Variants in GRM7 observed in about 807,000 individuals in gnomAD.
The protein encoded by GRM7 is glutamate metabotropic receptor 7, also known as metabotropic glutamate receptor 7.
In GRM7, 35 loss-of-function variants were observed where a neutral mutation model predicts 84.5. The observed-to-expected ratio is 0.41, with a 90% CI of 0.32 to 0.55. The LOEUF (loss-of-function observed/expected upper bound fraction) is 0.55. Ranked by LOEUF, GRM7 falls within the 20% of genes least tolerant of loss-of-function variation. The pLI, the probability that GRM7 is intolerant of heterozygous loss-of-function variation, is 0.19. For missense variants in GRM7, 1,003 were observed against 1,194.6 expected, an observed-to-expected ratio of 0.84 and a Z score of 2.36; for synonymous variants, 487 against 455.1, an observed-to-expected ratio of 1.07 and a Z score of -0.89.
intron 4 of GRM7, among the ~76,000 whole-genome samples, chr3:7,380,303 A>T (rs1349640812): frequency 2.0e-5 from 3 of 152,188 alleles, no homozygotes; most frequent in Non-Finnish European, 4.4e-5. Flanking sequence ...AGGCAATGAG[A>T]TTAATTTAGA....
At chr3:7,331,222 T>A (rs971381010) in intron 4 of GRM7, among the ~76,000 whole-genome samples, 3 of 152,146 alleles carry the variant, frequency 2.0e-5, no homozygotes, top group Non-Finnish European at 4.4e-5. Context: ...AATGAATGAA[T>A]AAAGAGGAGG....
At chr3:7,662,481 G>C (rs1297947971) in intron 8 of GRM7, among the ~76,000 whole-genome samples, 1 of 152,182 alleles carries the variant, frequency 6.6e-6, no homozygotes, top group South Asian at 2.1e-4. Flanking sequence ...TATGAACCTT[G>C]ATTGTATTTT....
chr3:7,136,042 A>G (rs939185500), intron 1 of GRM7, among the ~76,000 whole-genome samples: 1 of 152,144 alleles, frequency 6.6e-6, no homozygotes, highest in Admixed American at 6.6e-5. Flanking sequence ...TTACTATGTA[A>G]TAATTATGGG....
chr3:7,582,617 A>G (rs1050793995), intron 8 of GRM7, among the ~76,000 whole-genome samples: 2 of 152,064 alleles, frequency 1.3e-5, no homozygotes, highest in Non-Finnish European at 1.5e-5. Flanking sequence ...GTCCTCTAAA[A>G]TGGCACCCAC....
intron 1 of GRM7, among the ~76,000 whole-genome samples, chr3:6,976,318 G>A (rs993130310): frequency 5.3e-5 from 8 of 152,164 alleles, no homozygotes; most frequent in African/African-American, 1.9e-4. Context: ...ACTTCATTCT[G>A]CAAGATTCCA....
At chr3:7,410,671 C>A (rs1409841875) in intron 4 of GRM7, among the ~76,000 whole-genome samples, 2 of 151,704 alleles carry the variant, frequency 1.3e-5, no homozygotes, top group African/African-American at 2.4e-5. Context: ...CACACACACA[C>A]ACACACACGC....
chr3:7,367,211 A>G (rs1000443469), intron 4 of GRM7, among the ~76,000 whole-genome samples: 11 of 134,868 alleles, frequency 8.2e-5, no homozygotes, highest in Admixed American at 2.3e-4. Context: ...AGAAGGATCA[A>G]GAATAAAATG....
intron 7 of GRM7, among the ~76,000 whole-genome samples, chr3:7,524,082 C>T (rs1700700863): frequency 6.6e-6 from 1 of 152,068 alleles, no homozygotes; most frequent in African/African-American, 2.4e-5. Flanking sequence ...AGATGATATT[C>T]TCAATCACTA....
At chr3:7,030,501 AAG>A (rs1559394778) in intron 1 of GRM7, among the ~76,000 whole-genome samples, 1 of 152,228 alleles carries the variant, frequency 6.6e-6, no homozygotes, top group Non-Finnish European at 1.5e-5. Context: ...TACCTGAATG[AAG>A]AGTTTTTAAA....
At chr3:6,991,180 C>T (rs1434238397) in intron 1 of GRM7, among the ~76,000 whole-genome samples, 1 of 152,174 alleles carries the variant, frequency 6.6e-6, no homozygotes, top group Non-Finnish European at 1.5e-5. Context: ...TCCCTGTCTG[C>T]TACTCTAGAT....
intron 2 of GRM7, among the ~76,000 whole-genome samples, chr3:7,290,062 T>C (rs1219719475): frequency 6.6e-6 from 1 of 152,156 alleles, no homozygotes; most frequent in Non-Finnish European, 1.5e-5. Flanking sequence ...ATTAGTATTT[T>C]ATGTTAATTT....
intron 1 of GRM7, among the ~76,000 whole-genome samples, chr3:7,022,367 G>GCACACACA (rs71307753): frequency 0.011 from 1,587 of 145,702 alleles, 25 homozygotes; most frequent in African/African-American, 0.032. Context: ...ACACACACAT[G>GCACACACA]CACACACACA....
chr3:7,450,811 T>C (rs989156525), intron 5 of GRM7, among the ~76,000 whole-genome samples: 1 of 152,110 alleles, frequency 6.6e-6, no homozygotes, highest in African/African-American at 2.4e-5. Flanking sequence ...ATGAGATACA[T>C]ATAAAACACA....
At chr3:7,566,426 G>A (rs547727428) in intron 7 of GRM7, among the ~76,000 whole-genome samples, 2 of 152,112 alleles carry the variant, frequency 1.3e-5, no homozygotes, top group East Asian at 1.9e-4. Flanking sequence ...TATGAATTAT[G>A]TTTACATTAT....
At chr3:7,497,398 T>C (rs1699744128) in intron 7 of GRM7, among the ~76,000 whole-genome samples, 1 of 152,184 alleles carries the variant, frequency 6.6e-6, no homozygotes, top group African/African-American at 2.4e-5. Context: ...CCCATTATGT[T>C]CCATGAATTC....
intron 1 of GRM7, among the ~76,000 whole-genome samples, chr3:6,890,663 A>G (rs1481037981): frequency 6.6e-6 from 1 of 152,146 alleles, no homozygotes; most frequent in East Asian, 1.9e-4. Context: ...TATGTGGTCA[A>G]TTTTGGAATA....
intron 7 of GRM7, among the ~76,000 whole-genome samples, chr3:7,553,110 G>A (rs887580512): frequency 3.9e-5 from 6 of 152,012 alleles, no homozygotes; most frequent in Admixed American, 6.6e-5. Context: ...TTCTTCTTCC[G>A]GATACTCTAA....
At chr3:7,202,078 A>T (rs116235495) in intron 2 of GRM7, among the ~76,000 whole-genome samples, 122 of 151,986 alleles carry the variant, frequency 8.0e-4, no homozygotes, top group African/African-American at 2.8e-3. Flanking sequence ...TGATGCTGCT[A>T]TCTATTCTCC....
chr3:7,582,707 C>T lies in GRM7; in HGVS notation c.2451+3350C>T, dbSNP rs535146972. On this transcript the variant is annotated intron_variant, in intron 8 of 9. Coordinates refer to ENST00000357716, the MANE Select transcript of GRM7 (RefSeq NM_000844.4). ...GTAATTTGATTTCCACGGGAGCCTT[C>T]GGTCACTAAATGACCAAATTGGGGC... Among the ~76,000 whole-genome samples, 46 of 152,186 alleles carry T rather than the reference C, an allele frequency of 3.0e-4. 1 individual carries two copies. Among genetic ancestry groups the T allele is most frequent in the South Asian group, 2.7e-3 (13 of 4,818 alleles).
Sources: allele counts gnomAD v4.1 joint callset (sites outside exome capture counted in the v4.1 genomes callset), GRCh38; gene constraint gnomAD v4.1.1; transcripts MANE v1.5; gene names NCBI Gene and HGNC (gene_info 2026-07-23, HGNC 2026-07-21).